CREB3L4: variants seen among roughly 807,000 people sequenced by gnomAD.
CREB3L4 encodes cyclic AMP-responsive element-binding protein 3-like protein 4.
In CREB3L4, 28 loss-of-function variants were observed where a neutral mutation model predicts 37.0. That is an observed-to-expected ratio of 0.76 (90% CI 0.56 to 1.04). CREB3L4 has a LOEUF of 1.04. CREB3L4 is among the 50% of genes least tolerant of loss of function. CREB3L4 has a pLI of 0.00. For synonymous variants in CREB3L4, 175 were observed against 192.2 expected (o/e 0.91, Z 0.74); for missense variants, 462 against 486.0 (o/e 0.95, Z 0.46).
chr1:153,974,115 C>A lies in CREB3L4; in HGVS notation c.*50C>A. On this transcript the variant is annotated 3_prime_UTR_variant, in exon 10 of 10. Transcript: ENST00000368607. ...CTTCCTGATCACAAGGAATCCTGGG[C>A]TTCCTTATGGCTTTGCTTCCCACTG... 1 of 1,554,478 alleles carries A rather than the reference C, an allele frequency of 6.4e-7. No individual in the cohort carries two copies. The highest frequency in any genetic ancestry group is 8.8e-7 in the Non-Finnish European group (1 of 1,137,696).
chr1:153,967,730 C>G (rs1647896255), upstream of CREB3L4: 1 of 152,228 alleles, frequency 6.6e-6, no homozygotes, highest in Non-Finnish European at 1.5e-5. Flanking sequence ...CAAACTGTCT[C>G]CGACCAGTTA....
In CREB3L4 at chr1:153,969,038, C is replaced by A. The variant is rs11264743; in HGVS notation, c.283C>A (p.Pro95Thr). ...CAGTGACAGTGGCATCTCTGAGGAC[C>A]CCTGCCATCCAGACAGTCCCCCTGC... Reference protein sequence around the residue: ...PGSDSGISEDPCHPDSPPAPR... With the variant: ...PGSDSGISEDTCHPDSPPAPR... The change falls in exon 3 of 10, where the codon CCC becomes ACC. Residue 95 changes from proline to threonine, a missense_variant. Pro to Thr is a conservative substitution (Grantham distance 38, BLOSUM62 -1). Transcript: ENST00000368607. 4 of 1,613,972 alleles carry A rather than the reference C, an allele frequency of 2.5e-6. No homozygotes were observed. In the East Asian group the frequency reaches 8.9e-5, roughly 36 times the overall value.
At position 153,970,222 on chromosome 1, in the gene CREB3L4, T is replaced by C. The variant is rs367787595; in HGVS notation, c.543+767T>C. 1.1e-3 allele frequency among the ~76,000 whole-genome samples: 171 copies of C among 152,184 alleles called. 1 individual carries two copies. The highest frequency in any genetic ancestry group is 3.5e-3 in the African/African-American group (145 of 41,518). ...GATTACAGGTGTGAGCCACCACGCC[T>C]GGCCCAACATGAACAATTTTAAAAG... On this transcript the variant is annotated intron_variant, in intron 4 of 9. Coordinates refer to ENST00000368607, the MANE Select transcript of CREB3L4 (RefSeq NM_001255978.2).
At chr1:153,972,859 A>T in intron 5 of CREB3L4, 23 bp downstream of exon 5, 1 of 1,608,960 alleles carries the variant, frequency 6.2e-7, no homozygotes. Flanking sequence ...CCCTAAGGGT[A>T]TCCCAACCCA....
upstream of CREB3L4, chr1:153,967,800 A>G (rs1420798455): frequency 1.3e-5 from 2 of 152,126 alleles, no homozygotes; most frequent in Admixed American, 1.3e-4. Context: ...CCCCTCCGAA[A>G]CCTAAGTCTT....
In CREB3L4 at chr1:153,973,035, A is replaced by T; in HGVS notation, c.700A>T (p.Ser234Cys). The change falls in exon 6 of 10, where the codon AGT (serine) becomes TGT (cysteine). Residue 234 changes from serine (S) to cysteine (C), a missense_variant. Physicochemically the swap from Ser to Cys is moderately radical, Grantham distance 112. Coordinates refer to ENST00000368607, the MANE Select transcript of CREB3L4 (RefSeq NM_001255978.2). The stretch of plus-strand genomic sequence containing the variant: ...CCGTAACAAGCAGTCAGCTCAGGAC[A>T]GTCGGCGGCGGAAGAAGGAGTACAT... ...KIRNKQSAQD[S>C]RRRKKEYIDG... 6.2e-7 allele frequency: 1 copy of T among 1,614,196 alleles called. No individual in the cohort carries two copies. The highest frequency in any genetic ancestry group is 8.5e-7 in the Non-Finnish European group (1 of 1,180,034).
intron 8 of CREB3L4, 70 bp from the exon 9 acceptor site, chr1:153,973,550 G>A (rs376649545): frequency 6.4e-6 from 10 of 1,563,918 alleles, no homozygotes; most frequent in East Asian, 2.2e-5. Flanking sequence ...TCCCACATCC[G>A]ATAACCCCAG....
chr1:153,969,055 T>C lies in CREB3L4; in HGVS notation c.300T>C (p.Ser100=). The change falls in exon 3 of 10, where the codon AGT becomes AGC. Residue 100 remains serine (S), a synonymous_variant. Coordinates refer to ENST00000368607, the MANE Select transcript of CREB3L4 (RefSeq NM_001255978.2). ...CTGAGGACCCCTGCCATCCAGACAGTCCCCCTGCCCCCAGGGCAACCAGTT... is the reference window on the plus strand; with the variant it reads ...CTGAGGACCCCTGCCATCCAGACAGCCCCCCTGCCCCCAGGGCAACCAGTT... The part of the protein sequence containing the change: ...GISEDPCHPD[S]PPAPRATSSP... The C allele has an allele frequency of 1.2e-6, 2 of 1,614,036 alleles. No homozygotes were observed. The highest frequency in any genetic ancestry group is 2.2e-5 in the East Asian group (1 of 44,882).
intron 4 of CREB3L4, among the ~76,000 whole-genome samples, chr1:153,970,261 G>A (rs1648241804): frequency 6.6e-6 from 1 of 152,156 alleles, no homozygotes; most frequent in African/African-American, 2.4e-5. Flanking sequence ...GGAAGGACAA[G>A]GGAGAAAGAA....
Position 153,973,063 on chromosome 1 carries a change from A to T in CREB3L4, c.728A>T (p.Asp243Val). Reference protein sequence around the residue: ...DSRRRKKEYIDGLESRVAACS... With the variant: ...DSRRRKKEYIVGLESRVAACS... ...CGGCGGCGGAAGAAGGAGTACATTG[A>T]TGGGCTGGAGAGCAGGTACGCCTGG... Residue 243 changes from aspartate (D) to valine (V), a missense_variant, in exon 6 of 10, where the codon GAT (aspartate) becomes GTT (valine). Physicochemically the swap from Asp to Val is radical, Grantham distance 152 (BLOSUM62 -3). Transcript: ENST00000368607. 1 of 1,614,074 alleles carries T rather than the reference A, an allele frequency of 6.2e-7. No individual in the cohort carries two copies. The highest frequency in any genetic ancestry group is 8.5e-7 in the Non-Finnish European group (1 of 1,180,002).
Position 153,972,899 on chromosome 1 carries a change from A to G in CREB3L4, c.636+63A>G, listed in dbSNP as rs548554233. 3.7e-6 allele frequency: 6 copies of G among 1,600,154 alleles called. No individual in the cohort carries two copies. In the East Asian group the frequency reaches 1.3e-4, roughly 36 times the overall value. ...CCTCACCATGACCTCTGAGGGGCCA[A>G]TATCCCAGGAGAAGCATTGGGGAGT... On this transcript the variant is annotated intron_variant, in intron 5 of 9. Coordinates refer to ENST00000368607, the MANE Select transcript of CREB3L4 (RefSeq NM_001255978.2).
chr1:153,969,825 A>G (rs1042275451), intron 4 of CREB3L4: 4 of 239,808 alleles, frequency 1.7e-5, no homozygotes, highest in Non-Finnish European at 3.3e-5. Flanking sequence ...GCCCAGGCTC[A>G]GGCTGGTCTT....
intron 4 of CREB3L4, among the ~76,000 whole-genome samples, chr1:153,970,129 A>G (rs1473179265): frequency 1.3e-5 from 2 of 151,682 alleles, no homozygotes; most frequent in African/African-American, 2.4e-5. Context: ...GGTTTCCACC[A>G]TATTGGCCAG....
chr1:153,974,248 A>G lies in CREB3L4; in HGVS notation c.*183A>G. 1.8e-6 allele frequency: 1 copy of G among 562,894 alleles called. No individual in the cohort carries two copies. The highest frequency in any genetic ancestry group is 3.1e-6 in the Non-Finnish European group (1 of 318,458). The allele number at this position is 562,894 out of a possible 1,614,324, so 34.9% of individuals were successfully genotyped here. A position where few individuals can be genotyped will look rare whatever the true frequency, so the allele number is the denominator to read the frequency against. ...GCCTAGTCTGCATTTGTTTGCATAT[A>G]TGAGAGGGTACCTCAAATACTTCTG... is the stretch of plus-strand genomic sequence containing the variant. On this transcript the variant is annotated 3_prime_UTR_variant, in exon 10 of 10. Transcript: ENST00000368607.
Position 153,973,453 on chromosome 1 carries a change from AC to A in CREB3L4, c.887del (p.Thr296IlefsTer4). ...QTSNKAAQTS[T>X]CVLILLFSLA... Reference sequence around the variant, plus strand: ...TTCCAACAAAGCTGCCCAGACCAGCACTTGTGTTTTGGTACCATTAGTCTAT... The same window carrying A: ...TTCCAACAAAGCTGCCCAGACCAGCATTGTGTTTTGGTACCATTAGTCTAT... On this transcript the variant is annotated frameshift_variant, in exon 8 of 10. Transcript: ENST00000368607. LOFTEE classifies it high-confidence loss of function. 1 of 1,613,980 alleles carries A rather than the reference AC, an allele frequency of 6.2e-7. No individual in the cohort carries two copies. The highest frequency in any genetic ancestry group is 8.5e-7 in the Non-Finnish European group (1 of 1,179,942).
At chr1:153,973,810 C>G (rs1257598382) in intron 9 of CREB3L4, 62 bp from the exon 10 acceptor site, 1 of 1,574,638 alleles carries the variant, frequency 6.4e-7, no homozygotes, top group Non-Finnish European at 8.7e-7. Flanking sequence ...AGGTCCTGTC[C>G]TGTCTAGGGT....
chr1:153,968,846 T>C (rs2102157407), intron 2 of CREB3L4, 84 bp from the exon 3 acceptor site: 3 of 1,526,368 alleles, frequency 2.0e-6, no homozygotes, highest in Non-Finnish European at 2.7e-6. Flanking sequence ...GCCCAAGAAG[T>C]GAAAGGACTG....
In CREB3L4 at chr1:153,968,565, G is replaced by C; in HGVS notation, c.40G>C (p.Glu14Gln). The part of the protein sequence containing the change: ...GIPDLLDAWL[E>Q]PPEDIFSTGS... ...CCCTGACCTGCTGGACGCGTGGCTG[G>C]AGCCCCCAGAGGATATCTTCTCGAC... Residue 14 changes from glutamate to glutamine, a missense_variant, in exon 2 of 10, where the codon GAG becomes CAG. Glu to Gln is a conservative substitution (Grantham distance 29). Coordinates refer to ENST00000368607, the MANE Select transcript of CREB3L4 (RefSeq NM_001255978.2). The C allele has an allele frequency of 1.9e-6, 3 of 1,614,076 alleles. No homozygotes were observed. The African/African-American group carries it at 4.0e-5, about 22-fold the overall frequency.
rs186432230 is a variant in CREB3L4 at position 153,969,366 on chromosome 1, T to G, written c.454T>G (p.Ser152Ala). The G allele has an allele frequency of 6.1e-5, 98 of 1,614,220 alleles. No individual in the cohort carries two copies. Among genetic ancestry groups the G allele is most frequent in the Non-Finnish European group, 7.9e-5 (93 of 1,180,038 alleles). Residue 152 changes from serine to alanine, a missense_variant, in exon 4 of 10, where the codon TCC becomes GCC. By Grantham distance (99) the Ser-to-Ala change is moderately conservative. Transcript: ENST00000368607. The part of the protein sequence containing the change: ...QWSPAFMVPD[S>A]CMVSELPFDA... The stretch of plus-strand genomic sequence containing the variant: ...GAGCCCAGCATTTATGGTGCCTGAT[T>G]CCTGCATGGTCAGTGAGCTGCCCTT...
Sources: gnomAD v4.1 joint callset for allele counts (sites outside exome capture counted in the v4.1 genomes callset) on GRCh38, gnomAD v4.1.1 for gene constraint, MANE v1.5 for transcripts, NCBI Gene and HGNC (gene_info 2026-07-23, HGNC 2026-07-21) for gene names.